The following PRRC2B variants were observed in gnomAD, a reference collection of about 807,000 sequenced individuals.
The protein encoded by PRRC2B is protein PRRC2B.
A neutral mutation model predicts 242.3 loss-of-function variants in PRRC2B; 68 were observed. That is an observed-to-expected ratio of 0.28 (90% CI 0.23 to 0.34). The LOEUF is 0.34. Among genes scored for constraint, PRRC2B ranks in the 10% least tolerant of loss-of-function variants. PRRC2B has a pLI of 1.00. For synonymous variants in PRRC2B, 1,228 were observed against 1,173.6 expected, an observed-to-expected ratio of 1.05 and a Z score of -0.95; for missense variants, 2,835 against 2,954.8, an observed-to-expected ratio of 0.96 and a Z score of 0.94.
rs750421082 is a variant in PRRC2B, at chr9:131,479,262, A to G, written c.4769A>G (p.Lys1590Arg). 79 of 1,613,560 alleles carry G rather than the reference A, an allele frequency of 4.9e-5. No homozygotes were observed. Among genetic ancestry groups the G allele is most frequent in the Non-Finnish European group, 6.6e-5 (78 of 1,179,744 alleles). The part of the protein sequence containing the change: ...KKEQAVQVPV[K>R]GRGLSSRIPP... Reference sequence around the variant, plus strand: ...CTTTCTTCCCCTCAGGTGCCTGTCAAAGGTCGAGGCCTTTCCTCCCGTATT... The same window carrying G: ...CTTTCTTCCCCTCAGGTGCCTGTCAGAGGTCGAGGCCTTTCCTCCCGTATT... The change falls in exon 19 of 32, where the codon AAA becomes AGA. Residue 1590 changes from lysine (K) to arginine (R), a missense_variant. Coordinates refer to ENST00000683519, the MANE Select transcript of PRRC2B (RefSeq NM_013318.4).
intron 1 of PRRC2B, among the ~76,000 whole-genome samples, chr9:131,380,672 T>A (rs1205372329): frequency 1.3e-5 from 2 of 150,194 alleles, no homozygotes; most frequent in Non-Finnish European, 3.0e-5. Flanking sequence ...AGGTCGGGAG[T>A]TTGAGACAAG....
chr9:131,381,550 T>G (rs2478854), intron 1 of PRRC2B, among the ~76,000 whole-genome samples: 1 of 149,946 alleles, frequency 6.7e-6, no homozygotes, highest in Non-Finnish European at 1.5e-5. Context: ...TCCTGAGTAG[T>G]TGGGACTACA....
At chr9:131,478,063 T>C in intron 17 of PRRC2B, 114 bp downstream of exon 17, 2 of 890,882 alleles carry the variant, frequency 2.2e-6, no homozygotes, top group Non-Finnish European at 3.5e-6. Context: ...TCGGAACAGC[T>C]CGGCCAGGCC....
chr9:131,443,823 T>C (rs1838694564), intron 5 of PRRC2B, among the ~76,000 whole-genome samples: 2 of 152,222 alleles, frequency 1.3e-5, no homozygotes, highest in African/African-American at 4.8e-5. Context: ...GTTGCCTTCT[T>C]GGCCTCCCCT....
Position 131,499,807 on chromosome 9 carries a change from C to T in PRRC2B, c.*3933C>T, listed in dbSNP as rs556459454. The T allele has an allele frequency of 2.0e-5, 3 of 152,310 alleles. No individual in the cohort carries two copies. Among genetic ancestry groups the T allele is most frequent in the African/African-American group, 7.2e-5 (3 of 41,548 alleles). 9.4% of individuals were successfully genotyped at this position (152,310 alleles called of 1,614,324 possible). Reference sequence around the variant, plus strand: ...CCTTTCTCCCGTGATCTAAAGGGGACACTGTACTCAAGCTTTTGACCTCAT... The same window carrying T: ...CCTTTCTCCCGTGATCTAAAGGGGATACTGTACTCAAGCTTTTGACCTCAT... On this transcript the variant is annotated 3_prime_UTR_variant, in exon 32 of 32. Coordinates refer to ENST00000683519, the MANE Select transcript of PRRC2B (RefSeq NM_013318.4).
intron 1 of PRRC2B, among the ~76,000 whole-genome samples, chr9:131,387,033 C>T (rs1194813653): frequency 6.7e-6 from 1 of 149,428 alleles, no homozygotes; most frequent in Non-Finnish European, 1.5e-5. Context: ...GACAGTCTCG[C>T]TCTTGTTGCC....
At chr9:131,464,591 A>G (rs965060626) in intron 11 of PRRC2B, among the ~76,000 whole-genome samples, 172 bp from the exon 12 acceptor site, 56 of 152,352 alleles carry the variant, frequency 3.7e-4, no homozygotes, top group African/African-American at 1.2e-3. Context: ...CACATTTCAC[A>G]TACAGCAGAG....
At chr9:131,478,437 T>C (rs370184754) in intron 17 of PRRC2B, 37 bp from the exon 18 acceptor site, 54 of 1,605,888 alleles carry the variant, frequency 3.4e-5, no homozygotes, top group Admixed American at 2.5e-4. Flanking sequence ...TCCTGGTGAG[T>C]GGAAAGACTG....
intron 5 of PRRC2B, among the ~76,000 whole-genome samples, chr9:131,441,484 A>G (rs1425292273): frequency 6.6e-6 from 1 of 152,244 alleles, no homozygotes; most frequent in Non-Finnish European, 1.5e-5. Flanking sequence ...TGAGCCCAGG[A>G]GTTTAAGTCC....
At position 131,471,479 on chromosome 9, in the gene PRRC2B, T is replaced by C. The variant is rs564573254; in HGVS notation, c.2107+496T>C. Among the ~76,000 whole-genome samples the C allele has an allele frequency of 4.5e-4, 69 of 152,338 alleles. No individual in the cohort carries two copies. In the South Asian group the frequency reaches 0.014, roughly 30 times the overall value. On this transcript the variant is annotated intron_variant, in intron 14 of 31. Coordinates refer to ENST00000683519, the MANE Select transcript of PRRC2B (RefSeq NM_013318.4). ...TAAGATTCTCTTTGCAGTACTAATTTCTAATGTAGTTGCTCTGTGGTCAGA... is the reference window on the plus strand; with the variant it reads ...TAAGATTCTCTTTGCAGTACTAATTCCTAATGTAGTTGCTCTGTGGTCAGA...
At chr9:131,406,350 C>T (rs915320470) in intron 1 of PRRC2B, among the ~76,000 whole-genome samples, 5 of 152,138 alleles carry the variant, frequency 3.3e-5, no homozygotes, top group African/African-American at 4.8e-5. Flanking sequence ...CGAGCAAGGG[C>T]GTTTGATAGC....
At chr9:131,461,032 C>T (rs1291974862) in intron 11 of PRRC2B, among the ~76,000 whole-genome samples, 1 of 152,208 alleles carries the variant, frequency 6.6e-6, no homozygotes, top group Non-Finnish European at 1.5e-5. Context: ...AAACTGTGTT[C>T]TCATTGATAC....
At chr9:131,433,718 G>A (rs768943381) in intron 3 of PRRC2B, among the ~76,000 whole-genome samples, 5 of 152,120 alleles carry the variant, frequency 3.3e-5, no homozygotes, top group Admixed American at 2.6e-4. Context: ...GAAACCAGAC[G>A]GTAAAAGGGA....
At chr9:131,433,717 C>T (rs1189014999) in intron 3 of PRRC2B, among the ~76,000 whole-genome samples, 5 of 152,260 alleles carry the variant, frequency 3.3e-5, no homozygotes, top group Non-Finnish European at 7.4e-5. Flanking sequence ...GGAAACCAGA[C>T]GGTAAAAGGG....
intron 28 of PRRC2B, chr9:131,491,191 T>G: frequency 2.1e-6 from 1 of 472,606 alleles, no homozygotes; most frequent in Non-Finnish European, 3.7e-6. Flanking sequence ...GCCCGTTTTC[T>G]CACCACCTAC....
intron 14 of PRRC2B, among the ~76,000 whole-genome samples, chr9:131,472,834 C>A (rs911594043): frequency 9.2e-5 from 14 of 152,166 alleles, no homozygotes; most frequent in Non-Finnish European, 1.9e-4. Context: ...GCATTCCATT[C>A]TTATTCTTCT....
At chr9:131,453,340 C>T (rs1942979004) in intron 9 of PRRC2B, among the ~76,000 whole-genome samples, 1 of 152,134 alleles carries the variant, frequency 6.6e-6, no homozygotes, top group African/African-American at 2.4e-5. Context: ...TTTTTCAGTT[C>T]CTAACTCTGC....
At chr9:131,467,186 C>T (rs1943421005) in intron 12 of PRRC2B, among the ~76,000 whole-genome samples, 1 of 152,186 alleles carries the variant, frequency 6.6e-6, no homozygotes, top group Non-Finnish European at 1.5e-5. Context: ...CCACCCGCCT[C>T]AGCCTCCCAA....
chr9:131,411,490 G>T (rs547425456), intron 1 of PRRC2B, among the ~76,000 whole-genome samples: 27 of 150,862 alleles, frequency 1.8e-4, no homozygotes, highest in African/African-American at 6.6e-4. Context: ...GGGACTACAG[G>T]CGCCTGCCAC....
Sources: allele counts gnomAD v4.1 joint callset (sites outside exome capture counted in the v4.1 genomes callset), GRCh38; gene constraint gnomAD v4.1.1; transcripts MANE v1.5; gene names NCBI Gene and HGNC (gene_info 2026-07-23, HGNC 2026-07-21).